Variants in PKD1L3 observed in about 807,000 individuals in gnomAD.
The protein encoded by PKD1L3 is polycystin-1-like protein 3.
PKD1L3 carries 239 observed loss-of-function variants against 184.1 expected under a neutral mutation model. That is an observed-to-expected ratio of 1.30 (90% CI 1.17 to 1.45). The LOEUF (loss-of-function observed/expected upper bound fraction) is 1.45, where lower values mean the gene tolerates loss of function less well. Ranked by LOEUF, PKD1L3 falls within the 40% of genes most tolerant of loss-of-function variation. The pLI is 0.00. For missense variants in PKD1L3, 2,660 were observed against 2,067.2 expected (o/e 1.29, Z -5.56); for synonymous variants, 996 against 778.8 (o/e 1.28, Z -4.64).
chr16:71,949,738 C>T, intron 21 of PKD1L3, 45 bp downstream of exon 21: 7 of 1,502,786 alleles, frequency 4.7e-6, no homozygotes, highest in Non-Finnish European at 6.3e-6. Context: ...ACCTCAGTTC[C>T]CCTAACTTCT....
At chr16:71,972,473 C>A (rs114020690) in intron 12 of PKD1L3, among the ~76,000 whole-genome samples, 2,197 of 152,168 alleles carry the variant, frequency 0.014, 57 homozygotes, top group African/African-American at 0.049. Flanking sequence ...TGCTTGAGCT[C>A]AGAAGTTCAA....
At chr16:71,952,508 C>T (rs960281083) in intron 18 of PKD1L3, among the ~76,000 whole-genome samples, 4 of 148,006 alleles carry the variant, frequency 2.7e-5, no homozygotes, top group East Asian at 2.2e-4. Context: ...CGTGAGCCAC[C>T]GTGCCCAGCT....
intron 24 of PKD1L3, among the ~76,000 whole-genome samples, chr16:71,938,849 TG>T (rs1212169474): frequency 2.0e-5 from 3 of 152,222 alleles, no homozygotes; most frequent in African/African-American, 7.2e-5. Context: ...ACCCTCCAGT[TG>T]TCAGTGTACC....
At chr16:71,973,877 C>A (rs2143657788) in intron 11 of PKD1L3, among the ~76,000 whole-genome samples, 1 of 152,068 alleles carries the variant, frequency 6.6e-6, no homozygotes, top group South Asian at 2.1e-4. Flanking sequence ...TGATGTGAGC[C>A]TGTAATCCCA....
Position 71,999,790 on chromosome 16 carries a change from G to C in PKD1L3, c.189C>G (p.Asn63Lys). ...VQRGFLAHIW[N>K]KEVQDLIRDY... ...CCCGGATGAGATCTTGAACTTCCTTGTTCCAAATATGAGCTAGGAATCCTC... is the reference window on the plus strand; with the variant it reads ...CCCGGATGAGATCTTGAACTTCCTTCTTCCAAATATGAGCTAGGAATCCTC... The change falls in exon 1 of 30, where the codon AAC (asparagine) becomes AAG (lysine). Residue 63 changes from asparagine (N) to lysine (K), a missense_variant. Transcript: ENST00000620267. The C allele has an allele frequency of 1.3e-6, 2 of 1,551,612 alleles. No homozygotes were observed. Among genetic ancestry groups the C allele is most frequent in the Non-Finnish European group, 1.7e-6 (2 of 1,146,980 alleles).
intron 16 of PKD1L3, among the ~76,000 whole-genome samples, chr16:71,959,472 G>C (rs2039186235): frequency 6.6e-6 from 1 of 152,010 alleles, no homozygotes; most frequent in Non-Finnish European, 1.5e-5. Flanking sequence ...AGAATAAACA[G>C]AGAAATTGAT....
chr16:71,952,591 T>TTGGGAGGCCAAGGTGGGAGGATGG (rs1340734980), intron 18 of PKD1L3, among the ~76,000 whole-genome samples: 6 of 17,492 alleles, frequency 3.4e-4, no homozygotes, highest in East Asian at 0.059. Flanking sequence ...TCCCAGCACT[T>TTGGGAGGCCAAGGTGGGAGGATGG]TGGGAGGCCA....
intron 1 of PKD1L3, among the ~76,000 whole-genome samples, chr16:71,999,229 C>T (rs1040554789): frequency 1.3e-5 from 2 of 150,576 alleles, no homozygotes; most frequent in East Asian, 3.9e-4. Context: ...CAAGATGGCA[C>T]CACTGCACTC....
chr16:71,988,059 G>C (rs1356474114), intron 4 of PKD1L3, among the ~76,000 whole-genome samples: 1 of 106,730 alleles, frequency 9.4e-6, no homozygotes, highest in Non-Finnish European at 1.8e-5. Flanking sequence ...GGGCTTTGCA[G>C]AACAGTGGCA....
At position 71,986,489 on chromosome 16, in the gene PKD1L3, A is replaced by G. The variant is rs966407745; in HGVS notation, c.586-20T>C. On this transcript the variant is annotated intron_variant, in intron 4 of 29. Transcript: ENST00000620267. ...CTTGGACTAAAAGATAAAAATATGT[A>G]AAGGAAAAGACTGAATCTGATTTTA... 6 of 1,542,002 alleles carry G rather than the reference A, an allele frequency of 3.9e-6. No individual in the cohort carries two copies. The African/African-American group carries it at 5.5e-5, about 14-fold the overall frequency.
intron 18 of PKD1L3, among the ~76,000 whole-genome samples, chr16:71,952,241 T>A (rs1396749192): frequency 7.4e-6 from 1 of 135,840 alleles, no homozygotes; most frequent in Non-Finnish European, 1.5e-5. Flanking sequence ...GGAGTCTTGC[T>A]CTGTCTCTGT....
chr16:71,948,803 T>TTAAAAAAAA (rs540911511), intron 21 of PKD1L3, among the ~76,000 whole-genome samples: 4 of 81,206 alleles, frequency 4.9e-5, no homozygotes, highest in African/African-American at 1.9e-4. Flanking sequence ...TTACATATAG[T>TTAAAAAAAA]AAAAAAAAAA....
At position 71,944,015 on chromosome 16, in the gene PKD1L3, A is replaced by C; in HGVS notation, c.3859+15T>G. Reference sequence around the variant, plus strand: ...GGTGCTGTGTTATCAGTATGTTGCCATTTCCTCTCCATACCCAAAATATCT... The same window carrying C: ...GGTGCTGTGTTATCAGTATGTTGCCCTTTCCTCTCCATACCCAAAATATCT... On this transcript the variant is annotated intron_variant, in intron 23 of 29. Transcript: ENST00000620267. 6.5e-7 allele frequency: 1 copy of C among 1,548,646 alleles called. No homozygotes were observed. The highest frequency in any genetic ancestry group is 8.7e-7 in the Non-Finnish European group (1 of 1,145,900).
rs2038071093 is a variant in PKD1L3, at chr16:71,933,661, T to C, written c.4825-140A>G. 3 of 745,408 alleles carry C rather than the reference T, an allele frequency of 4.0e-6. No homozygotes were observed. The African/African-American group carries it at 5.3e-5, about 13-fold the overall frequency. 46.2% of individuals were successfully genotyped at this position (745,408 alleles called of 1,614,324 possible). ...AATTATGCCCAAAGAATACATAAACTTCCTTTGTAATAACATAGTGTTTTC... is the reference window on the plus strand; with the variant it reads ...AATTATGCCCAAAGAATACATAAACCTCCTTTGTAATAACATAGTGTTTTC... On this transcript the variant is annotated intron_variant, in intron 27 of 29. Coordinates refer to ENST00000620267, the MANE Select transcript of PKD1L3 (RefSeq NM_181536.2).
intron 19 of PKD1L3, 144 bp from the exon 20 acceptor site, chr16:71,950,454 G>C (rs2038786902): frequency 2.9e-6 from 2 of 679,372 alleles, no homozygotes; most frequent in Non-Finnish European, 4.8e-6. Flanking sequence ...CACATTTGCA[G>C]TACTACCATC....
chr16:71,981,293 G>A lies in PKD1L3; in HGVS notation c.1143+766C>T, dbSNP rs2040141108. On this transcript the variant is annotated intron_variant, in intron 7 of 29. Transcript: ENST00000620267. ...GGCGATTCTATTTTTTACATTTTAA[G>A]CAACTGATAAATTGTTTTCCAAAGT... Among the ~76,000 whole-genome samples, 3 of 152,268 alleles carry A rather than the reference G, an allele frequency of 2.0e-5. No homozygotes were observed. The East Asian group carries it at 5.8e-4, about 29-fold the overall frequency.
chr16:71,970,772 C>T (rs1022486435), intron 12 of PKD1L3, among the ~76,000 whole-genome samples: 1 of 152,186 alleles, frequency 6.6e-6, no homozygotes, highest in African/African-American at 2.4e-5. Context: ...CACACCACTG[C>T]ATTCCACCCT....
rs542099190 is a variant in PKD1L3, at chr16:71,937,888, C to G, written c.4325-469G>C. Among the ~76,000 whole-genome samples the G allele has an allele frequency of 2.0e-5, 3 of 152,194 alleles. No homozygotes were observed. The South Asian group carries it at 6.2e-4, about 31-fold the overall frequency. ...AAAATCATGAAAGGTCTTGTGAATA[C>G]AAACCTTTCACAAAGCTTCAAAATA... On this transcript the variant is annotated intron_variant, in intron 24 of 29. Coordinates refer to ENST00000620267, the MANE Select transcript of PKD1L3 (RefSeq NM_181536.2).
chr16:71,971,201 G>A (rs1018889803), intron 12 of PKD1L3, among the ~76,000 whole-genome samples: 20 of 152,200 alleles, frequency 1.3e-4, no homozygotes, highest in Non-Finnish European at 1.8e-4. Context: ...TTATTCATGA[G>A]TGTTTTATTA....
Sources: gnomAD v4.1 joint callset for allele counts (sites outside exome capture counted in the v4.1 genomes callset) on GRCh38, gnomAD v4.1.1 for gene constraint, MANE v1.5 for transcripts, NCBI Gene and HGNC (gene_info 2026-07-23, HGNC 2026-07-21) for gene names.